Variants in NRG1 observed in about 807,000 individuals in gnomAD.
NRG1 encodes the protein neuregulin 1.
In NRG1, 18 loss-of-function variants were observed where a neutral mutation model predicts 63.8. The ratio of observed to expected loss-of-function variants is 0.28; its 90% CI spans 0.19 to 0.42. The LOEUF is 0.42. Among genes scored for constraint, NRG1 ranks in the 10% least tolerant of loss-of-function variants. The pLI is 1.00. For synonymous variants in NRG1, 302 were observed against 301.3 expected, an observed-to-expected ratio of 1.00 and a Z score of -0.02; for missense variants, 762 against 814.7, an observed-to-expected ratio of 0.94 and a Z score of 0.79.
chr8:32,711,898 A>G (rs1159380962), intron 5 of NRG1, among the ~76,000 whole-genome samples: 1 of 152,168 alleles, frequency 6.6e-6, no homozygotes, highest in Non-Finnish European at 1.5e-5. Flanking sequence ...GAGTACATTT[A>G]TTTCTTCAAT....
chr8:32,416,271 C>T lies in NRG1; in HGVS notation c.38-179557C>T, dbSNP rs918388124. ...ACCCTGGCAAAGTTGGTAATTGTCC[C>T]CTTCCTTCCTTCCCCGCTTTCACCT... On this transcript the variant is annotated intron_variant, in intron 1 of 10. Transcript: ENST00000519301. 4.0e-5 allele frequency among the ~76,000 whole-genome samples: 6 copies of T among 151,716 alleles called. No homozygotes were observed. In the East Asian group the frequency reaches 9.8e-4, roughly 25 times the overall value.
At chr8:32,483,960 A>C (rs7821255) in intron 1 of NRG1, among the ~76,000 whole-genome samples, 1 of 151,788 alleles carries the variant, frequency 6.6e-6, no homozygotes, top group African/African-American at 2.4e-5. Flanking sequence ...AAAATTAGCC[A>C]GGCGTGGTGT....
chr8:32,495,036 T>C (rs1827032191), intron 1 of NRG1, among the ~76,000 whole-genome samples: 1 of 152,242 alleles, frequency 6.6e-6, no homozygotes, highest in Non-Finnish European at 1.5e-5. Context: ...CCATTCCTTC[T>C]GTGATTCTGA....
intron 1 of NRG1, among the ~76,000 whole-genome samples, chr8:31,819,360 C>A (rs556745901): frequency 1.5e-4 from 23 of 152,288 alleles, no homozygotes; most frequent in African/African-American, 5.5e-4. Context: ...GAATTAAACT[C>A]CTAGACTCTG....
At chr8:32,619,387 T>C (rs556854214) in intron 5 of NRG1, among the ~76,000 whole-genome samples, 5 of 151,940 alleles carry the variant, frequency 3.3e-5, no homozygotes, top group Non-Finnish European at 5.9e-5. Context: ...ATATAGAAGA[T>C]GAGGGCCACA....
chr8:32,509,390 G>T (rs543543787), intron 1 of NRG1, among the ~76,000 whole-genome samples: 73 of 152,200 alleles, frequency 4.8e-4, no homozygotes, highest in African/African-American at 1.7e-3. Flanking sequence ...CACCACATCC[G>T]GCCTGAATTG....
intron 1 of NRG1, among the ~76,000 whole-genome samples, chr8:32,485,263 C>T (rs147834238): frequency 1.3e-5 from 2 of 152,010 alleles, no homozygotes; most frequent in East Asian, 1.9e-4. Context: ...TATAGTACCA[C>T]GCCCAGCTAA....
At chr8:31,680,412 A>T (rs1437153350) in intron 1 of NRG1, among the ~76,000 whole-genome samples, 1 of 151,606 alleles carries the variant, frequency 6.6e-6, no homozygotes, top group Non-Finnish European at 1.5e-5. Flanking sequence ...TGTTCTTGCG[A>T]TAGTTTACTG....
At chr8:31,996,528 C>G (rs897992403) in intron 1 of NRG1, among the ~76,000 whole-genome samples, 3 of 151,820 alleles carry the variant, frequency 2.0e-5, no homozygotes, top group Non-Finnish European at 4.4e-5. Flanking sequence ...GCTCAGGAGT[C>G]TAAGACCAGC....
chr8:32,573,170 G>A (rs1838946237), intron 1 of NRG1, among the ~76,000 whole-genome samples: 2 of 152,102 alleles, frequency 1.3e-5, no homozygotes, highest in Non-Finnish European at 2.9e-5. Context: ...GACCCTGCAT[G>A]GATTATTCCC....
chr8:32,394,493 T>C (rs903837242), intron 1 of NRG1, among the ~76,000 whole-genome samples: 5 of 152,168 alleles, frequency 3.3e-5, no homozygotes, highest in Non-Finnish European at 5.9e-5. Context: ...AGATTTTGCC[T>C]AATCCTTCAC....
intron 1 of NRG1, among the ~76,000 whole-genome samples, chr8:32,372,860 C>G (rs1301309923): frequency 6.6e-6 from 1 of 152,062 alleles, no homozygotes; most frequent in Non-Finnish European, 1.5e-5. Flanking sequence ...TCTGCAGGGG[C>G]TATAAGCAAA....
At chr8:32,307,850 G>A (rs892420176) in intron 1 of NRG1, among the ~76,000 whole-genome samples, 1 of 136,476 alleles carries the variant, frequency 7.3e-6, no homozygotes, top group African/African-American at 2.5e-5. Flanking sequence ...CATCTGACAT[G>A]CCTCCCTAGA....
intron 1 of NRG1, among the ~76,000 whole-genome samples, chr8:32,101,798 C>A (rs1830615139): frequency 6.6e-6 from 1 of 152,058 alleles, no homozygotes; most frequent in South Asian, 2.1e-4. Context: ...TAGGAAATGC[C>A]CTATTGTGCA....
chr8:31,871,264 T>C (rs1427982439), intron 1 of NRG1, among the ~76,000 whole-genome samples: 1 of 152,112 alleles, frequency 6.6e-6, no homozygotes, highest in Non-Finnish European at 1.5e-5. Context: ...TGTGAGCTAC[T>C]GTGCCCGTCC....
chr8:32,544,136 T>A (rs754787278), upstream of NRG1, among the ~76,000 whole-genome samples: 9 of 152,138 alleles, frequency 5.9e-5, no homozygotes, highest in Non-Finnish European at 1.2e-4. Flanking sequence ...TATACAATTG[T>A]CAAGTACCAT....
chr8:32,448,565 C>T (rs1452448609), intron 1 of NRG1, among the ~76,000 whole-genome samples: 2 of 152,144 alleles, frequency 1.3e-5, no homozygotes, highest in Admixed American at 6.5e-5. Context: ...GCCCCTAAAG[C>T]ACTGGAAATG....
chr8:31,690,396 C>A (rs1377536263), intron 1 of NRG1, among the ~76,000 whole-genome samples: 1 of 152,142 alleles, frequency 6.6e-6, no homozygotes, highest in Admixed American at 6.5e-5. Context: ...TTGAGGACTT[C>A]AAGGAGTTAG....
At chr8:32,128,146 C>A (rs530737216) in intron 1 of NRG1, among the ~76,000 whole-genome samples, 6 of 152,026 alleles carry the variant, frequency 3.9e-5, no homozygotes, top group African/African-American at 1.4e-4. Flanking sequence ...TTTCTTCCTC[C>A]CTGAACCTGG....
Sources: gnomAD v4.1 joint callset for allele counts (sites outside exome capture counted in the v4.1 genomes callset) on GRCh38, gnomAD v4.1.1 for gene constraint, MANE v1.5 for transcripts, NCBI Gene and HGNC (gene_info 2026-07-23, HGNC 2026-07-21) for gene names.